ANKRD29: variants seen among roughly 807,000 people sequenced by gnomAD.
The protein encoded by ANKRD29 is ankyrin repeat domain-containing protein 29.
Under a neutral mutation model 38.0 loss-of-function variants are expected in ANKRD29, and 32 were observed. The ratio of observed to expected loss-of-function variants is 0.84; its 90% CI spans 0.64 to 1.13. The LOEUF (loss-of-function observed/expected upper bound fraction) is 1.13, where lower values mean the gene tolerates loss of function less well. Among genes scored for constraint, ANKRD29 ranks in the 50% most tolerant of loss-of-function variants. ANKRD29 has a pLI of 0.00. For missense variants in ANKRD29, 357 were observed against 377.9 expected (o/e 0.94, Z 0.46); for synonymous variants, 135 against 152.4 (o/e 0.89, Z 0.84).
intron 8 of ANKRD29, among the ~76,000 whole-genome samples, chr18:23,613,662 T>G (rs986612775): frequency 2.1e-4 from 31 of 151,070 alleles, no homozygotes; most frequent in Admixed American, 1.3e-3. Flanking sequence ...TGCAGTGGTG[T>G]GATCTCGGCT....
intron 9 of ANKRD29, among the ~76,000 whole-genome samples, chr18:23,610,646 T>G (rs990987644): frequency 6.6e-6 from 1 of 151,840 alleles, no homozygotes; most frequent in African/African-American, 2.4e-5. Context: ...AGAAAAAAAT[T>G]TACATTTAAA....
intron 1 of ANKRD29, among the ~76,000 whole-genome samples, chr18:23,651,457 A>G (rs185091284): frequency 6.6e-6 from 1 of 152,350 alleles, no homozygotes; most frequent in Non-Finnish European, 1.5e-5. Context: ...TGTATAATGA[A>G]TCATGAAACA....
chr18:23,629,811 C>T, intron 6 of ANKRD29, 42 bp downstream of exon 6: 1 of 1,561,796 alleles, frequency 6.4e-7, no homozygotes, highest in Non-Finnish European at 8.8e-7. Flanking sequence ...CTCCCTGCCC[C>T]ATGCGCCATG....
At chr18:23,649,747 T>C (rs914667051) in intron 1 of ANKRD29, among the ~76,000 whole-genome samples, 1 of 152,250 alleles carries the variant, frequency 6.6e-6, no homozygotes, top group African/African-American at 2.4e-5. Context: ...TGTTTTGTTT[T>C]TGAGATGGAG....
At chr18:23,644,130 C>T (rs542324245) in intron 3 of ANKRD29, among the ~76,000 whole-genome samples, 12 of 152,318 alleles carry the variant, frequency 7.9e-5, no homozygotes, top group South Asian at 4.1e-4. Context: ...CTCAGTGCTA[C>T]GAGAGTTTTC....
chr18:23,610,488 T>C (rs1212438278), intron 9 of ANKRD29, among the ~76,000 whole-genome samples: 11 of 151,896 alleles, frequency 7.2e-5, no homozygotes, highest in Non-Finnish European at 1.6e-4. Flanking sequence ...AAAACAACAA[T>C]AGCAACAGAA....
chr18:23,656,357 C>T (rs997719607), intron 1 of ANKRD29, among the ~76,000 whole-genome samples: 2 of 152,104 alleles, frequency 1.3e-5, no homozygotes, highest in Non-Finnish European at 2.9e-5. Context: ...ATTTATTCTT[C>T]CACAGACTCG....
chr18:23,622,375 C>T lies in ANKRD29; in HGVS notation c.529-2746G>A, dbSNP rs368951625. 6.6e-5 allele frequency among the ~76,000 whole-genome samples: 10 copies of T among 152,210 alleles called. No individual in the cohort carries two copies. In the South Asian group the frequency reaches 1.5e-3, roughly 22 times the overall value. Reference sequence around the variant, plus strand: ...GCCAATACTAATGCGCTTCTCCCTCCGTGCCTGCTCTGGGTCTGTTTTGTT... The same window carrying T: ...GCCAATACTAATGCGCTTCTCCCTCTGTGCCTGCTCTGGGTCTGTTTTGTT... On this transcript the variant is annotated intron_variant, in intron 6 of 9. Transcript: ENST00000592179.
chr18:23,648,792 T>C (rs1333603975), intron 2 of ANKRD29: 9 of 412,396 alleles, frequency 2.2e-5, no homozygotes, highest in Non-Finnish European at 1.7e-5. Flanking sequence ...ATTCTTTCAC[T>C]AAACAGGCTT....
intron 1 of ANKRD29, among the ~76,000 whole-genome samples, chr18:23,654,722 T>C (rs1028083291): frequency 6.6e-6 from 1 of 152,048 alleles, no homozygotes; most frequent in Admixed American, 6.6e-5. Flanking sequence ...GCTTCCACAT[T>C]TGTCATATTT....
At position 23,600,293 on chromosome 18, in the gene ANKRD29, G is replaced by A. The variant is rs973024207; in HGVS notation, c.*933C>T. On this transcript the variant is annotated 3_prime_UTR_variant, in exon 10 of 10. Transcript: ENST00000592179. The stretch of plus-strand genomic sequence containing the variant: ...CCTGCAATAGTAATAGCAACATACT[G>A]TACTTGCATATATCACATTTTATCC... 5.9e-5 allele frequency: 9 copies of A among 152,104 alleles called. No individual in the cohort carries two copies. Among genetic ancestry groups the A allele is most frequent in the African/African-American group, 2.2e-4 (9 of 41,426 alleles). 9.4% of individuals were successfully genotyped at this position (152,104 alleles called of 1,614,324 possible). A position where few individuals can be genotyped will look rare whatever the true frequency, so the allele number is the denominator to read the frequency against.
chr18:23,641,919 C>T (rs560096251), intron 3 of ANKRD29, among the ~76,000 whole-genome samples: 44 of 152,150 alleles, frequency 2.9e-4, no homozygotes, highest in Middle Eastern at 3.4e-3. Flanking sequence ...CTACCAGCTG[C>T]GGGAGGAGCT....
intron 1 of ANKRD29, among the ~76,000 whole-genome samples, chr18:23,660,474 G>C (rs2060344753): frequency 6.6e-6 from 1 of 152,132 alleles, no homozygotes; most frequent in African/African-American, 2.4e-5. Context: ...ACAAACACTT[G>C]GTCAATTCCA....
intron 9 of ANKRD29, among the ~76,000 whole-genome samples, chr18:23,611,533 A>T (rs2145640954): frequency 6.6e-6 from 1 of 152,154 alleles, no homozygotes; most frequent in African/African-American, 2.4e-5. Context: ...AAACACAAAA[A>T]AATTAGCCGG....
At chr18:23,655,745 G>A (rs915296642) in intron 1 of ANKRD29, among the ~76,000 whole-genome samples, 5 of 150,496 alleles carry the variant, frequency 3.3e-5, no homozygotes, top group East Asian at 4.1e-4. Context: ...GTGAGCCACC[G>A]TGCCTGGCCT....
At chr18:23,641,890 C>T (rs564099313) in intron 3 of ANKRD29, among the ~76,000 whole-genome samples, 79 of 152,274 alleles carry the variant, frequency 5.2e-4, no homozygotes, top group African/African-American at 1.9e-3. Flanking sequence ...CTGCTGAGAG[C>T]TGGACCCAGA....
chr18:23,638,811 T>G (rs1401596192), intron 4 of ANKRD29, 38 bp downstream of exon 4: 1 of 1,528,554 alleles, frequency 6.5e-7, no homozygotes, highest in African/African-American at 1.4e-5. Flanking sequence ...GCTGCTGAAA[T>G]TCTTCAACAT....
chr18:23,650,822 G>A (rs1314174326), intron 1 of ANKRD29, among the ~76,000 whole-genome samples: 4 of 152,092 alleles, frequency 2.6e-5, no homozygotes, highest in East Asian at 1.9e-4. Context: ...TTTTCTTTAC[G>A]AAGTCAGAAT....
rs1482083371 is a variant in ANKRD29 at position 23,602,845 on chromosome 18, AT to A, written c.823-1537del. Reference sequence around the variant, plus strand: ...AAATATATTTATTAATTCACTAAAAATAATAAATCCAAGTTAATATAGTTAT... The same window carrying A: ...AAATATATTTATTAATTCACTAAAAAAATAAATCCAAGTTAATATAGTTAT... On this transcript the variant is annotated intron_variant, in intron 9 of 9. Coordinates refer to ENST00000592179, the MANE Select transcript of ANKRD29 (RefSeq NM_173505.4). Among the ~76,000 whole-genome samples the A allele has an allele frequency of 4.6e-5, 7 of 152,286 alleles. No individual in the cohort carries two copies. In the East Asian group the frequency reaches 1.3e-3, roughly 29 times the overall value.
Sources: allele counts gnomAD v4.1 joint callset (sites outside exome capture counted in the v4.1 genomes callset), GRCh38; gene constraint gnomAD v4.1.1; transcripts MANE v1.5; gene names NCBI Gene and HGNC (gene_info 2026-07-23, HGNC 2026-07-21).